The following TAF3 variants were observed in gnomAD, a reference collection of about 807,000 sequenced individuals.
TAF3 encodes the protein TATA-box binding protein associated factor 3, also known as transcription initiation factor TFIID subunit 3.
TAF3 carries 7 observed loss-of-function variants against 80.6 expected under a neutral mutation model. That is an observed-to-expected ratio of 0.09 (90% CI 0.05 to 0.16). The LOEUF is 0.16. Ranked by LOEUF, TAF3 falls within the 10% of genes least tolerant of loss-of-function variation. The pLI is 1.00. For missense variants in TAF3, 921 were observed against 1,140.2 expected (o/e 0.81, Z 2.77); for synonymous variants, 444 against 446.1 (o/e 1.00, Z 0.06).
At chr10:7,873,616 C>CT (rs1024137841) in intron 2 of TAF3, among the ~76,000 whole-genome samples, 2 of 56,768 alleles carry the variant, frequency 3.5e-5, no homozygotes, top group Admixed American at 1.4e-4. Context: ...CATCCGAGTT[C>CT]TCCCCCCCCC....
chr10:7,989,055 G>A (rs1831807897), intron 4 of TAF3, among the ~76,000 whole-genome samples: 1 of 152,068 alleles, frequency 6.6e-6, no homozygotes, highest in Non-Finnish European at 1.5e-5. Context: ...TTTGCCCCAA[G>A]TGGTGGCAGG....
chr10:7,889,060 C>T (rs1296853866), intron 2 of TAF3, among the ~76,000 whole-genome samples: 2 of 152,108 alleles, frequency 1.3e-5, no homozygotes, highest in African/African-American at 4.8e-5. Context: ...ATCTCCAGTT[C>T]CCAGTTCGAA....
At chr10:7,861,491 C>G (rs943518577) in intron 2 of TAF3, among the ~76,000 whole-genome samples, 3 of 152,062 alleles carry the variant, frequency 2.0e-5, no homozygotes, top group Non-Finnish European at 4.4e-5. Context: ...TCTGATGGGA[C>G]AAGTCAGGTT....
At chr10:7,831,371 A>G (rs1288114079) in intron 2 of TAF3, among the ~76,000 whole-genome samples, 1 of 151,580 alleles carries the variant, frequency 6.6e-6, no homozygotes, top group African/African-American at 2.4e-5. Context: ...TTTGAGATGG[A>G]GTCTCACTCC....
intron 4 of TAF3, among the ~76,000 whole-genome samples, chr10:7,981,822 G>A (rs1167433017): frequency 6.6e-6 from 1 of 151,964 alleles, no homozygotes; most frequent in African/African-American, 2.4e-5. Context: ...GCCTTGTGGG[G>A]GCTTTTTAAT....
intron 2 of TAF3, 116 bp downstream of exon 2, chr10:7,824,676 C>A: frequency 2.3e-6 from 3 of 1,286,044 alleles, no homozygotes; most frequent in Non-Finnish European, 2.1e-6. Context: ...GAAACATTTA[C>A]TGTTACTTAC....
rs77079359 is a variant in TAF3, at chr10:7,870,218, C to A, written c.409+45658C>A. On this transcript the variant is annotated intron_variant, in intron 2 of 6. Coordinates refer to ENST00000344293, the MANE Select transcript of TAF3 (RefSeq NM_031923.4). ...AGTAGGGAATCATAAAACTCTGATC[C>A]CAAGTCCATCATTCCTTCTTCTTTG... Among the ~76,000 whole-genome samples, 759 of 152,252 alleles carry A rather than the reference C, an allele frequency of 5.0e-3. 8 individuals carry two copies. Among genetic ancestry groups the A allele is most frequent in the African/African-American group, 0.017 (713 of 41,538 alleles).
intron 3 of TAF3, among the ~76,000 whole-genome samples, chr10:7,976,087 C>T (rs1187637226): frequency 6.6e-6 from 1 of 152,122 alleles, no homozygotes; most frequent in Non-Finnish European, 1.5e-5. Context: ...ATCTGCAAAC[C>T]AACAATTGTG....
intron 2 of TAF3, among the ~76,000 whole-genome samples, chr10:7,840,172 A>C (rs965222235): frequency 6.8e-6 from 1 of 146,852 alleles, no homozygotes; most frequent in Admixed American, 6.8e-5. Context: ...TTTTTTTTCG[A>C]GACGGAGTCT....
Position 7,824,368 on chromosome 10 carries a change from A to T in TAF3, c.217A>T (p.Met73Leu), listed in dbSNP as rs1465857035. ...TGATGTTGGTGAAGCTTTCCAGCTG[A>T]TGGGGGTTAGTCTACATGAACTAGA... is the stretch of plus-strand genomic sequence containing the variant. The part of the protein sequence containing the change: ...LDDVGEAFQL[M>L]GVSLHELEDY... The change falls in exon 2 of 7, where the codon ATG becomes TTG. Residue 73 changes from methionine (M) to leucine (L), a missense_variant. Met to Leu is a conservative substitution (Grantham distance 15). Coordinates refer to ENST00000344293, the MANE Select transcript of TAF3 (RefSeq NM_031923.4). The T allele has an allele frequency of 6.2e-7, 1 of 1,614,132 alleles. No homozygotes were observed. Among genetic ancestry groups the T allele is most frequent in the Admixed American group, 1.7e-5 (1 of 60,016 alleles).
intron 2 of TAF3, among the ~76,000 whole-genome samples, chr10:7,870,706 C>T (rs1430889407): frequency 1.3e-5 from 2 of 152,088 alleles, no homozygotes; most frequent in Non-Finnish European, 2.9e-5. Flanking sequence ...TCCTTCACTT[C>T]TTCTCTAAGT....
At chr10:7,901,417 TA>T (rs1430301666) in intron 2 of TAF3, among the ~76,000 whole-genome samples, 1 of 152,258 alleles carries the variant, frequency 6.6e-6, no homozygotes, top group African/African-American at 2.4e-5. Context: ...AAACAAGTTC[TA>T]CTCTTTCTGG....
intron 2 of TAF3, among the ~76,000 whole-genome samples, chr10:7,877,211 C>T (rs1837320187): frequency 1.3e-5 from 2 of 152,138 alleles, no homozygotes; most frequent in South Asian, 4.1e-4. Flanking sequence ...CTCCATGAGT[C>T]TTTAGAAATA....
At chr10:7,946,240 C>G (rs535280635) in intron 2 of TAF3, among the ~76,000 whole-genome samples, 2 of 152,292 alleles carry the variant, frequency 1.3e-5, no homozygotes, top group South Asian at 2.1e-4. Context: ...CTACCCAACC[C>G]ACCTCCTTTC....
intron 2 of TAF3, among the ~76,000 whole-genome samples, chr10:7,839,695 T>G (rs1836890723): frequency 6.6e-6 from 1 of 152,222 alleles, no homozygotes. Context: ...TACAATTATT[T>G]TTTTTTTAAT....
chr10:7,945,080 C>T (rs1298559108), intron 2 of TAF3, among the ~76,000 whole-genome samples: 1 of 152,092 alleles, frequency 6.6e-6, no homozygotes, highest in Non-Finnish European at 1.5e-5. Context: ...TAGTAAACTG[C>T]ACAAAATAGG....
intron 4 of TAF3, among the ~76,000 whole-genome samples, chr10:7,983,752 T>C (rs148709389): frequency 2.6e-5 from 4 of 152,202 alleles, no homozygotes; most frequent in African/African-American, 9.6e-5. Context: ...GGCAAGAGGA[T>C]TGATTGAGCC....
intron 1 of TAF3, among the ~76,000 whole-genome samples, chr10:7,822,417 A>G (rs1214008188): frequency 6.6e-6 from 1 of 152,158 alleles, no homozygotes; most frequent in Admixed American, 6.5e-5. Context: ...GTTTACATTC[A>G]GTAAGAAGAA....
At chr10:7,942,745 G>C (rs1837987824) in intron 2 of TAF3, among the ~76,000 whole-genome samples, 2 of 152,318 alleles carry the variant, frequency 1.3e-5, no homozygotes, top group Admixed American at 1.3e-4. Context: ...AGGCGTGTGG[G>C]CACGGAGTTC....
Sources: gnomAD v4.1 joint callset for allele counts (sites outside exome capture counted in the v4.1 genomes callset) on GRCh38, gnomAD v4.1.1 for gene constraint, MANE v1.5 for transcripts, NCBI Gene and HGNC (gene_info 2026-07-23, HGNC 2026-07-21) for gene names.